The following ASIC2 variants were observed in gnomAD, a reference collection of about 807,000 sequenced individuals.
The protein encoded by ASIC2 is acid sensing ion channel subunit 2.
ASIC2 carries 25 observed loss-of-function variants against 57.3 expected under a neutral mutation model. The ratio of observed to expected loss-of-function variants is 0.44; its 90% CI spans 0.32 to 0.61. The LOEUF is 0.61. ASIC2 is among the 20% of genes least tolerant of loss of function. ASIC2 has a pLI of 0.06. For synonymous variants in ASIC2, 319 were observed against 307.5 expected, an observed-to-expected ratio of 1.04 and a Z score of -0.39; for missense variants, 641 against 738.1, an observed-to-expected ratio of 0.87 and a Z score of 1.52.
intron 1 of ASIC2, among the ~76,000 whole-genome samples, chr17:33,525,096 T>C (rs1914849192): frequency 6.6e-6 from 1 of 152,188 alleles, no homozygotes; most frequent in Non-Finnish European, 1.5e-5. Context: ...TCTGTGCTCT[T>C]ATTCTTGACG....
chr17:33,996,276 A>G (rs11870493), intron 1 of ASIC2, among the ~76,000 whole-genome samples: 1,883 of 152,276 alleles, frequency 0.012, 42 homozygotes, highest in African/African-American at 0.043. Flanking sequence ...TATGGTTTGC[A>G]AATATTTTAT....
At chr17:33,183,820 T>G (rs1906082209) in intron 1 of ASIC2, among the ~76,000 whole-genome samples, 2 of 152,206 alleles carry the variant, frequency 1.3e-5, no homozygotes, top group Non-Finnish European at 2.9e-5. Flanking sequence ...CAATCATACT[T>G]TGCACCATAA....
intron 1 of ASIC2, among the ~76,000 whole-genome samples, chr17:33,910,449 G>A (rs1291804953): frequency 6.6e-6 from 1 of 152,130 alleles, no homozygotes; most frequent in African/African-American, 2.4e-5. Context: ...TTTTTAGCAT[G>A]GATACTACTT....
At chr17:33,412,536 G>T (rs888791298) in intron 1 of ASIC2, among the ~76,000 whole-genome samples, 4 of 152,190 alleles carry the variant, frequency 2.6e-5, no homozygotes, top group Non-Finnish European at 5.9e-5. Context: ...ATTTGCCCAA[G>T]ATCAGACAGA....
chr17:33,357,794 A>G (rs896679256), intron 1 of ASIC2, among the ~76,000 whole-genome samples: 14 of 152,320 alleles, frequency 9.2e-5, no homozygotes, highest in South Asian at 4.1e-4. Context: ...ATAAACTTCC[A>G]TTATGCTAAG....
chr17:34,136,265 T>C (rs1912122882), intron 1 of ASIC2, among the ~76,000 whole-genome samples: 1 of 152,198 alleles, frequency 6.6e-6, no homozygotes, highest in South Asian at 2.1e-4. Context: ...TTCTTTGACT[T>C]ATTTTGAAAT....
intron 1 of ASIC2, among the ~76,000 whole-genome samples, chr17:33,596,192 T>C (rs897045467): frequency 6.6e-6 from 1 of 152,096 alleles, no homozygotes; most frequent in South Asian, 2.1e-4. Flanking sequence ...AGTGATTGAG[T>C]TTGGGGGTGG....
intron 1 of ASIC2, among the ~76,000 whole-genome samples, chr17:33,493,001 C>A (rs1913808682): frequency 6.6e-6 from 1 of 152,186 alleles, no homozygotes; most frequent in African/African-American, 2.4e-5. Flanking sequence ...TATGTCAGGG[C>A]TATAGTCAGT....
At chr17:33,656,265 G>A (rs35212635) in intron 1 of ASIC2, among the ~76,000 whole-genome samples, 1,885 of 152,284 alleles carry the variant, frequency 0.012, 39 homozygotes, top group African/African-American at 0.043. Context: ...AAGAGAGAGA[G>A]AGAGGAAGGA....
intron 1 of ASIC2, among the ~76,000 whole-genome samples, chr17:33,502,782 G>A (rs764603770): frequency 4.6e-5 from 7 of 152,110 alleles, no homozygotes; most frequent in African/African-American, 1.7e-4. Flanking sequence ...GATTTCCTTC[G>A]ATAACTTTTA....
chr17:33,485,107 G>T (rs1913534587), intron 1 of ASIC2, among the ~76,000 whole-genome samples: 1 of 152,224 alleles, frequency 6.6e-6, no homozygotes, highest in Non-Finnish European at 1.5e-5. Context: ...GGGCCCACCT[G>T]CCCTGCAACA....
At chr17:33,252,469 A>G (rs563025290) in intron 1 of ASIC2, among the ~76,000 whole-genome samples, 2 of 152,264 alleles carry the variant, frequency 1.3e-5, no homozygotes, top group Non-Finnish European at 2.9e-5. Flanking sequence ...CCTGCCAGGA[A>G]AGGACAATGG....
intron 1 of ASIC2, chr17:33,131,429 GC>G: frequency 1.3e-5 from 2 of 152,708 alleles, no homozygotes; most frequent in Middle Eastern, 6.8e-3. Flanking sequence ...AGGACAGTCT[GC>G]CACAGCTACC....
Position 33,840,430 on chromosome 17 carries a change from T to G in ASIC2, c.555+315548A>C, listed in dbSNP as rs116020322. 1.0e-3 allele frequency among the ~76,000 whole-genome samples: 159 copies of G among 152,264 alleles called. 1 individual carries two copies. The highest frequency in any genetic ancestry group is 3.6e-3 in the African/African-American group (149 of 41,552). ...ATGGGAAACAGCTTATGCTAAGGCA[T>G]GAAGGAGTGTATGTACAGCACCGTA... On this transcript the variant is annotated intron_variant, in intron 1 of 9. Transcript: ENST00000359872.
At chr17:33,633,298 A>G (rs548152049) in intron 1 of ASIC2, among the ~76,000 whole-genome samples, 7 of 152,332 alleles carry the variant, frequency 4.6e-5, no homozygotes, top group Middle Eastern at 3.4e-3. Flanking sequence ...GGGTGCAACA[A>G]GGACCAGGAC....
intron 1 of ASIC2, among the ~76,000 whole-genome samples, chr17:34,153,657 T>G (rs1567617983): frequency 6.6e-6 from 1 of 152,212 alleles, no homozygotes; most frequent in Non-Finnish European, 1.5e-5. Context: ...TGGGCTGTCC[T>G]GGAGTAGATG....
At chr17:33,838,986 G>T (rs1416445568) in intron 1 of ASIC2, among the ~76,000 whole-genome samples, 1 of 152,180 alleles carries the variant, frequency 6.6e-6, no homozygotes, top group Non-Finnish European at 1.5e-5. Context: ...AGGGGCCCAA[G>T]AATCTGCATT....
At chr17:33,330,553 A>C (rs1321559189) in intron 1 of ASIC2, among the ~76,000 whole-genome samples, 3 of 152,158 alleles carry the variant, frequency 2.0e-5, no homozygotes, top group African/African-American at 7.2e-5. Flanking sequence ...CCATGCAATC[A>C]CATTATTGGA....
intron 1 of ASIC2, among the ~76,000 whole-genome samples, chr17:33,745,514 CA>C (rs34946574): frequency 0.045 from 6,148 of 135,872 alleles, 403 homozygotes; most frequent in African/African-American, 0.15. Flanking sequence ...AAGTCAAAGT[CA>C]AAAAAAAAAA....
Sources: allele counts gnomAD v4.1 joint callset (sites outside exome capture counted in the v4.1 genomes callset), GRCh38; gene constraint gnomAD v4.1.1; transcripts MANE v1.5; gene names NCBI Gene and HGNC (gene_info 2026-07-23, HGNC 2026-07-21).